KLRF1: variants seen among roughly 807,000 people sequenced by gnomAD.
KLRF1 encodes killer cell lectin-like receptor subfamily F member 1.
In KLRF1, 27 loss-of-function variants were observed where a neutral mutation model predicts 30.7. The ratio of observed to expected loss-of-function variants is 0.88; its 90% confidence interval spans 0.65 to 1.21. KLRF1 has a LOEUF of 1.21. KLRF1 is among the 50% of genes most tolerant of loss of function. The pLI, the probability that KLRF1 is intolerant of heterozygous loss-of-function variation, is 0.00. For missense variants in KLRF1, 246 were observed against 259.3 expected (o/e 0.95, Z 0.35); for synonymous variants, 92 against 89.3 (o/e 1.03, Z -0.17).
At chr12:9,835,308 G>GA (rs895392086) in intron 3 of KLRF1, among the ~76,000 whole-genome samples, 1 of 152,082 alleles carries the variant, frequency 6.6e-6, no homozygotes, top group African/African-American at 2.4e-5. Flanking sequence ...GAGGAGTGCT[G>GA]AAAGGGGTGT....
Position 9,827,527 on chromosome 12 carries a change from C to T in KLRF1, c.-18C>T, listed in dbSNP as rs754605307. The T allele has an allele frequency of 6.8e-7, 1 of 1,462,358 alleles. No individual in the cohort carries two copies. Among genetic ancestry groups the T allele is most frequent in the African/African-American group, 1.4e-5 (1 of 71,628 alleles). The allele number at this position is 1,462,358 out of a possible 1,614,324, so 90.6% of individuals were successfully genotyped here. A position where few individuals can be genotyped will look rare whatever the true frequency, so the allele number is the denominator to read the frequency against. On this transcript the variant is annotated 5_prime_UTR_variant, in exon 1 of 6. Transcript: ENST00000617889. Reference sequence around the variant, plus strand: ...AACAAAACATACCTGTATACACACACATTCACTCACATTGAAGATGCAAGA... The same window carrying T: ...AACAAAACATACCTGTATACACACATATTCACTCACATTGAAGATGCAAGA...
intron 4 of KLRF1, 140 bp downstream of exon 4, chr12:9,842,091 T>A: frequency 1.0e-6 from 1 of 1,000,236 alleles, no homozygotes; most frequent in Non-Finnish European, 1.5e-6. Flanking sequence ...GTATTCCAAG[T>A]GAGTGCCTCA....
At chr12:9,842,225 C>A in intron 4 of KLRF1, 96 bp from the exon 5 acceptor site, 1 of 1,301,262 alleles carries the variant, frequency 7.7e-7, no homozygotes, top group Non-Finnish European at 1.1e-6. Flanking sequence ...ATAAGAATCC[C>A]TATGCAGAGT....
At chr12:9,836,623 A>G (rs1404607209) in intron 3 of KLRF1, among the ~76,000 whole-genome samples, 1 of 151,998 alleles carries the variant, frequency 6.6e-6, no homozygotes, top group African/African-American at 2.4e-5. Context: ...TTATAAAAGG[A>G]TTTTTTTCTA....
At chr12:9,820,662 A>G in the KLRF1 span, among the ~76,000 whole-genome samples, 3 of 152,138 alleles carry the variant, frequency 2.0e-5, no homozygotes, top group Non-Finnish European at 4.4e-5. Context: ...GCCGCTGGAC[A>G]TGGTACTGCA....
chr12:9,839,242 C>T (rs74062777), intron 3 of KLRF1, among the ~76,000 whole-genome samples: 1,984 of 152,122 alleles, frequency 0.013, 35 homozygotes, highest in African/African-American at 0.044. Flanking sequence ...CATGGCAGAT[C>T]GCAGAATGAC....
At chr12:9,842,592 T>C (rs1235346737) in intron 5 of KLRF1, among the ~76,000 whole-genome samples, 159 bp downstream of exon 5, 1 of 152,158 alleles carries the variant, frequency 6.6e-6, no homozygotes, top group Non-Finnish European at 1.5e-5. Context: ...GATAGTTTGA[T>C]TTGACTTTTA....
At chr12:9,816,226 A>T in the KLRF1 span, among the ~76,000 whole-genome samples, 5 of 152,222 alleles carry the variant, frequency 3.3e-5, no homozygotes, top group African/African-American at 1.2e-4. Context: ...CCTTATTAGA[A>T]TAATCTTGCC....
chr12:9,827,826 A>G (rs1010000052), intron 1 of KLRF1, among the ~76,000 whole-genome samples, 197 bp downstream of exon 1: 2 of 152,108 alleles, frequency 1.3e-5, no homozygotes, highest in Non-Finnish European at 2.9e-5. Context: ...TTTAAGAAAC[A>G]CCAGTTTCCG....
At chr12:9,817,077 T>C in the KLRF1 span, among the ~76,000 whole-genome samples, 1 of 152,164 alleles carries the variant, frequency 6.6e-6, no homozygotes, top group African/African-American at 2.4e-5. Flanking sequence ...TGAAAACTAT[T>C]GAGCTGAAGT....
chr12:9,826,278 A>G (rs1252981690), upstream of KLRF1, among the ~76,000 whole-genome samples: 2 of 152,118 alleles, frequency 1.3e-5, no homozygotes, highest in African/African-American at 2.4e-5. Flanking sequence ...CCCACCCTCT[A>G]TCCTCCAGTA....
chr12:9,841,501 C>A (rs1463983901), intron 3 of KLRF1, among the ~76,000 whole-genome samples: 1 of 151,998 alleles, frequency 6.6e-6, no homozygotes, highest in African/African-American at 2.4e-5. Flanking sequence ...CTAAGTGATA[C>A]AAATTATATT....
chr12:9,817,791 C>G, the KLRF1 span: 1 of 195,994 alleles, frequency 5.1e-6, no homozygotes, highest in South Asian at 1.1e-4. Context: ...CAGGTGCAGG[C>G]ACTTCCTCAG....
At chr12:9,806,925 C>T in the KLRF1 span, among the ~76,000 whole-genome samples, 12,800 of 152,122 alleles carry the variant, frequency 0.084, 636 homozygotes, top group East Asian at 0.2. Context: ...TCAAATGACC[C>T]TTCTGCCCAG....
At chr12:9,835,046 G>C (rs1591757396) in intron 3 of KLRF1, among the ~76,000 whole-genome samples, 1 of 152,224 alleles carries the variant, frequency 6.6e-6, no homozygotes, top group Middle Eastern at 3.4e-3. Flanking sequence ...CCAGTACCGA[G>C]AGCAATAGTG....
chr12:9,817,039 A>G, the KLRF1 span, among the ~76,000 whole-genome samples: 1 of 151,894 alleles, frequency 6.6e-6, no homozygotes, highest in Non-Finnish European at 1.5e-5. Context: ...TTGAAAACTC[A>G]CTTTTCTTTT....
At chr12:9,824,661 G>C (rs762449400), upstream of KLRF1, among the ~76,000 whole-genome samples, 5 of 152,178 alleles carry the variant, frequency 3.3e-5, no homozygotes, top group African/African-American at 1.2e-4. Context: ...AATAGGAAGA[G>C]AGGACGTAAA....
At chr12:9,843,869 G>T (rs968286864) in intron 5 of KLRF1, among the ~76,000 whole-genome samples, 1 of 152,036 alleles carries the variant, frequency 6.6e-6, no homozygotes, top group African/African-American at 2.4e-5. Flanking sequence ...AAATTTATCA[G>T]AATGTATCAC....
At chr12:9,809,791 A>G in the KLRF1 span, among the ~76,000 whole-genome samples, 1 of 152,142 alleles carries the variant, frequency 6.6e-6, no homozygotes, top group Non-Finnish European at 1.5e-5. Flanking sequence ...TCCACTTTCA[A>G]AAGTTGTTAT....
Sources: gnomAD v4.1 joint callset for allele counts (sites outside exome capture counted in the v4.1 genomes callset) on GRCh38, gnomAD v4.1.1 for gene constraint, MANE v1.5 for transcripts, NCBI Gene and HGNC (gene_info 2026-07-23, HGNC 2026-07-21) for gene names.